Variants in LPIN1 observed in about 807,000 individuals in gnomAD.
The protein encoded by LPIN1 is lipin 1.
LPIN1 carries 71 observed loss-of-function variants against 107.5 expected under a neutral mutation model. The ratio of observed to expected loss-of-function variants is 0.66; its 90% CI spans 0.55 to 0.80. The LOEUF (loss-of-function observed/expected upper bound fraction) is 0.80. Ranked by LOEUF, LPIN1 falls within the 30% of genes least tolerant of loss-of-function variation. The probability of loss-of-function intolerance (pLI) is 0.00; values close to 1 mark genes in which losing one functional copy is unlikely to be tolerated. For synonymous variants in LPIN1, 445 were observed against 452.6 expected, an observed-to-expected ratio of 0.98 and a Z score of 0.21; for missense variants, 1,043 against 1,160.6, an observed-to-expected ratio of 0.90 and a Z score of 1.47.
At position 11,786,808 on chromosome 2, in the gene LPIN1, T is replaced by A. The variant is rs1034857244; in HGVS notation, c.1550-266T>A. The stretch of plus-strand genomic sequence containing the variant: ...ACGTGTGTGCTGTTTTCACCCCTAC[T>A]CCCTGTGTGAACGTATGTGCCTCAA... On this transcript the variant is annotated intron_variant, in intron 10 of 20. Coordinates refer to ENST00000674199, the MANE Select transcript of LPIN1 (RefSeq NM_001349206.2). The surrounding 1 kb of genome is among the most constrained non-coding windows in gnomAD (Gnocchi z 4.1). 6.6e-6 allele frequency among the ~76,000 whole-genome samples: 1 copy of A among 152,164 alleles called. No homozygotes were observed. The highest frequency in any genetic ancestry group is 2.1e-4 in the South Asian group (1 of 4,828).
intron 1 of LPIN1, among the ~76,000 whole-genome samples, chr2:11,679,784 G>A (rs1661613890): frequency 6.6e-6 from 1 of 152,254 alleles, no homozygotes; most frequent in South Asian, 2.1e-4. Flanking sequence ...GGCCTCCATG[G>A]CTCTGAAGGG....
rs1336559700 is a variant in LPIN1, at chr2:11,803,534, T to A, written c.2013+501T>A. 6.6e-6 allele frequency among the ~76,000 whole-genome samples: 1 copy of A among 152,220 alleles called. No individual in the cohort carries two copies. Among genetic ancestry groups the A allele is most frequent in the Non-Finnish European group, 1.5e-5 (1 of 68,036 alleles). ...ACCAGTTTTAATTAAAAGCCCTTTC[T>A]TGGATCCCGTTGGTCATGGCCAGTG... On this transcript the variant is annotated intron_variant, in intron 15 of 20. Coordinates refer to ENST00000674199, the MANE Select transcript of LPIN1 (RefSeq NM_001349206.2). The surrounding 1 kb of genome is among the most constrained non-coding windows in gnomAD (Gnocchi z 4.2).
At chr2:11,721,525 C>A (rs931779396), upstream of LPIN1, 4 of 152,202 alleles carry the variant, frequency 2.6e-5, no homozygotes, top group African/African-American at 9.7e-5. Context: ...CACACCCTGT[C>A]CAGCACACCC....
chr2:11,777,731 G>A (rs1021351919), intron 6 of LPIN1, among the ~76,000 whole-genome samples: 2 of 152,192 alleles, frequency 1.3e-5, no homozygotes, highest in East Asian at 1.9e-4. Flanking sequence ...ACCCCTGTTC[G>A]GAGCAAGCTT....
chr2:11,680,321 C>T (rs1253898497), intron 1 of LPIN1, among the ~76,000 whole-genome samples: 2 of 152,220 alleles, frequency 1.3e-5, no homozygotes, highest in Non-Finnish European at 2.9e-5. Flanking sequence ...GCAGCATCAC[C>T]TGTGCTGTTG....
chr2:11,801,910 A>G (rs528550927), intron 14 of LPIN1, among the ~76,000 whole-genome samples: 1 of 152,264 alleles, frequency 6.6e-6, no homozygotes, highest in South Asian at 2.1e-4. Context: ...TATAATTAAT[A>G]TGTCAATAGA....
At chr2:11,791,518 A>G (rs905229815) in intron 12 of LPIN1, among the ~76,000 whole-genome samples, 1 of 152,254 alleles carries the variant, frequency 6.6e-6, no homozygotes, top group Non-Finnish European at 1.5e-5. Context: ...TCTATCCCAT[A>G]TTAATCATTT....
At chr2:11,738,629 G>A (rs1465876726) in intron 1 of LPIN1, among the ~76,000 whole-genome samples, 1 of 152,130 alleles carries the variant, frequency 6.6e-6, no homozygotes, top group South Asian at 2.1e-4. Context: ...CCTGGGAGAG[G>A]GGAAGCAATA....
chr2:11,819,255 C>T (rs1377610612), intron 18 of LPIN1: 2 of 534,934 alleles, frequency 3.7e-6, no homozygotes, highest in Non-Finnish European at 6.7e-6. Context: ...ACCAGGATAA[C>T]CCTTGGTGAA....
In LPIN1 at chr2:11,772,818, A is replaced by C. The variant is rs372628876; in HGVS notation, c.597-802A>C. 6.6e-5 allele frequency among the ~76,000 whole-genome samples: 10 copies of C among 152,320 alleles called. No homozygotes were observed. In the East Asian group the frequency reaches 1.4e-3, roughly 21 times the overall value. ...ATAATTTTGTTAACATAAAGAAGGG[A>C]TAAGGGGAATCAGGAGTATCTTCCT... is the stretch of plus-strand genomic sequence containing the variant. On this transcript the variant is annotated intron_variant, in intron 4 of 20. Transcript: ENST00000674199.
chr2:11,758,683 A>G (rs1669046111), intron 1 of LPIN1, among the ~76,000 whole-genome samples: 1 of 152,252 alleles, frequency 6.6e-6, no homozygotes, highest in Non-Finnish European at 1.5e-5. Flanking sequence ...TAGAGGGGAC[A>G]GCTAAAGATA....
At chr2:11,817,933 A>G (rs1680873470) in intron 18 of LPIN1, 1 of 123,116 alleles carries the variant, frequency 8.1e-6, no homozygotes, top group Admixed American at 8.2e-5. Flanking sequence ...CTCTGTCTCA[A>G]AAAAAAAAAA....
chr2:11,703,180 T>A (rs1171077900), intron 1 of LPIN1, among the ~76,000 whole-genome samples: 1 of 152,190 alleles, frequency 6.6e-6, no homozygotes, highest in Non-Finnish European at 1.5e-5. Flanking sequence ...TATCTCTGTT[T>A]TATCTAGTGT....
intron 1 of LPIN1, among the ~76,000 whole-genome samples, chr2:11,729,366 C>T (rs560981985): frequency 3.9e-5 from 6 of 152,182 alleles, no homozygotes; most frequent in Admixed American, 3.9e-4. Context: ...ACTTATAACA[C>T]TTTATGTAAA....
Position 11,798,586 on chromosome 2 carries a change from C to A in LPIN1, c.1886+3099C>A, listed in dbSNP as rs59137887. Among the ~76,000 whole-genome samples, 867 of 152,250 alleles carry A rather than the reference C, an allele frequency of 5.7e-3. 10 individuals are homozygous for A. The highest frequency in any genetic ancestry group is 0.02 in the African/African-American group (828 of 41,538). ...AATGCTTTTTCCCATCAAATAGAAACAGCTGGACCATTCGCCATTCTGAGT... is the reference window on the plus strand; with the variant it reads ...AATGCTTTTTCCCATCAAATAGAAAAAGCTGGACCATTCGCCATTCTGAGT... On this transcript the variant is annotated intron_variant, in intron 14 of 20. Transcript: ENST00000674199.
intron 5 of LPIN1, among the ~76,000 whole-genome samples, chr2:11,775,411 C>T (rs1355823304): frequency 2.0e-5 from 3 of 152,138 alleles, no homozygotes; most frequent in African/African-American, 7.2e-5. Context: ...CAACTCTGAG[C>T]GTGTTTAATG....
At chr2:11,713,004 A>G (rs550259819) in intron 1 of LPIN1, among the ~76,000 whole-genome samples, 9 of 152,328 alleles carry the variant, frequency 5.9e-5, no homozygotes, top group Middle Eastern at 3.4e-3. Flanking sequence ...TTGGCAGGGC[A>G]GGGGTTATTG....
At chr2:11,801,956 A>T (rs1677823048) in intron 14 of LPIN1, among the ~76,000 whole-genome samples, 1 of 152,156 alleles carries the variant, frequency 6.6e-6, no homozygotes, top group Non-Finnish European at 1.5e-5. Context: ...AAAAAAAAAT[A>T]AGCTGGAGCT....
chr2:11,818,792 C>T (rs1213394717), intron 18 of LPIN1: 1 of 151,892 alleles, frequency 6.6e-6, no homozygotes, highest in African/African-American at 2.4e-5. Flanking sequence ...CCCTTCTATT[C>T]CTGGTTGGAG....
Sources: gnomAD v4.1 joint callset for allele counts (sites outside exome capture counted in the v4.1 genomes callset) on GRCh38, gnomAD v4.1.1 for gene constraint, Gnocchi (gnomAD v3.1) non-coding constraint, MANE v1.5 for transcripts, NCBI Gene and HGNC (gene_info 2026-07-23, HGNC 2026-07-21) for gene names.